GFM1: variants seen among roughly 807,000 people sequenced by gnomAD.
The protein encoded by GFM1 is G elongation factor mitochondrial 1, also known as elongation factor G, mitochondrial.
In GFM1, 62 loss-of-function variants were observed where a neutral mutation model predicts 96.2. The ratio of observed to expected loss-of-function variants is 0.64; its 90% CI spans 0.53 to 0.80. The LOEUF (loss-of-function observed/expected upper bound fraction) is 0.80. Among genes scored for constraint, GFM1 ranks in the 30% least tolerant of loss-of-function variants. The probability of loss-of-function intolerance (pLI) is 0.00; values close to 1 mark genes in which losing one functional copy is unlikely to be tolerated. For synonymous variants in GFM1, 282 were observed against 312.9 expected (o/e 0.90, Z 1.04); for missense variants, 852 against 916.6 (o/e 0.93, Z 0.91).
rs942200713 is a variant in GFM1 at position 158,670,806 on chromosome 3, A to C, written c.1601+4420A>C. ...AAATTAGCCAGGTGTAGTGGCATGC[A>C]CCTGTGGTCCCAGCTATTTGGGGAG... On this transcript the variant is annotated intron_variant, in intron 13 of 17. Transcript: ENST00000486715. The C allele has an allele frequency of 4.2e-6, 5 of 1,176,740 alleles. No homozygotes were observed. The African/African-American group carries it at 4.9e-5, about 12-fold the overall frequency. 72.9% of individuals were successfully genotyped at this position (1,176,740 alleles called of 1,614,324 possible).
chr3:158,671,073 T>G (rs1279746114), intron 13 of GFM1: 1 of 1,420,728 alleles, frequency 7.0e-7, no homozygotes, highest in Non-Finnish European at 9.2e-7. Context: ...AACATTATAC[T>G]TGCATTGTTA....
intron 15 of GFM1, among the ~76,000 whole-genome samples, chr3:158,686,654 T>G (rs1035646279): frequency 7.5e-4 from 40 of 53,474 alleles, no homozygotes; most frequent in African/African-American, 5.9e-3. Context: ...AGTATATATA[T>G]TATTAAGTAT....
chr3:158,660,749 T>G, intron 9 of GFM1, 125 bp from the exon 10 acceptor site: 1 of 784,724 alleles, frequency 1.3e-6, no homozygotes, highest in Non-Finnish European at 2.2e-6. Context: ...ACTATAGAAT[T>G]CAAGCAGAGA....
At position 158,690,282 on chromosome 3, in the gene GFM1, G is replaced by A; in HGVS notation, c.2029G>A (p.Gly677Arg). 1 of 1,613,920 alleles carries A rather than the reference G, an allele frequency of 6.2e-7. No individual in the cohort carries two copies. The highest frequency in any genetic ancestry group is 8.5e-7 in the Non-Finnish European group (1 of 1,179,838). The change falls in exon 16 of 18, where the codon GGG becomes AGG. Residue 677 changes from glycine to arginine, a missense_variant. By Grantham distance (125) the Gly-to-Arg change is moderately radical (BLOSUM62 -2). Transcript: ENST00000486715. Reference protein sequence around the residue: ...GINRRHGVITGQDGVEDYFTL... With the variant: ...GINRRHGVITRQDGVEDYFTL... ...TAACCGACGCCATGGGGTAATCACTGGGCAAGATGGAGTTGAGGACTATTT... is the reference window on the plus strand; with the variant it reads ...TAACCGACGCCATGGGGTAATCACTAGGCAAGATGGAGTTGAGGACTATTT...
intron 13 of GFM1, among the ~76,000 whole-genome samples, chr3:158,674,493 C>T (rs1724698842): frequency 6.6e-6 from 1 of 152,010 alleles, no homozygotes; most frequent in Admixed American, 6.6e-5. Context: ...GATAAATTTA[C>T]CAAAGAATTG....
At chr3:158,651,010 G>A (rs1416875987) in intron 5 of GFM1, 1 of 102,284 alleles carries the variant, frequency 9.8e-6, no homozygotes, top group Admixed American at 1.5e-4. Context: ...GACAGAGCGA[G>A]ACTCCGTCTC....
At chr3:158,646,331 T>C in intron 3 of GFM1, 34 bp downstream of exon 3, 3 of 1,612,136 alleles carry the variant, frequency 1.9e-6, no homozygotes, top group Non-Finnish European at 2.5e-6. Flanking sequence ...TGCAGCTTCT[T>C]TGGCAAAAGC....
rs1721718799 is a variant in GFM1 at position 158,645,688 on chromosome 3, A to C, written c.141A>C (p.Arg47=). 3 of 1,611,762 alleles carry C rather than the reference A, an allele frequency of 1.9e-6. No individual in the cohort carries two copies. The highest frequency in any genetic ancestry group is 1.7e-5 in the Admixed American group (1 of 60,022). Reference sequence around the variant, plus strand: ...GGGTGATTCCTAATGAAAAAATACGAAATATTGGAATCTCAGCTCACATTG... The same window carrying C: ...GGGTGATTCCTAATGAAAAAATACGCAATATTGGAATCTCAGCTCACATTG... The part of the protein sequence containing the change: ...SSGVIPNEKI[R]NIGISAHIDS... Residue 47 remains arginine (R), a synonymous_variant, in exon 2 of 18, where the codon CGA becomes CGC. Coordinates refer to ENST00000486715, the MANE Select transcript of GFM1 (RefSeq NM_024996.7).
At position 158,675,331 on chromosome 3, in the gene GFM1, G is replaced by A. The variant is rs187971883; in HGVS notation, c.1602-6664G>A. 9.5e-4 allele frequency among the ~76,000 whole-genome samples: 140 copies of A among 147,300 alleles called. 1 individual carries two copies. Among genetic ancestry groups the A allele is most frequent in the African/African-American group, 3.4e-3 (135 of 40,212 alleles). ...AAAAACAAGTTTTCAAGATAAAAGAGGAGCTCTTAAACATGATTTAATGAT... is the reference window on the plus strand; with the variant it reads ...AAAAACAAGTTTTCAAGATAAAAGAAGAGCTCTTAAACATGATTTAATGAT... On this transcript the variant is annotated intron_variant, in intron 13 of 17. Coordinates refer to ENST00000486715, the MANE Select transcript of GFM1 (RefSeq NM_024996.7).
intron 7 of GFM1, among the ~76,000 whole-genome samples, chr3:158,653,875 A>G (rs1349914547): frequency 6.6e-6 from 1 of 152,130 alleles, no homozygotes; most frequent in African/African-American, 2.4e-5. Context: ...GTTTGAGACC[A>G]GCCTGACCAA....
At chr3:158,645,934 G>A (rs1411499999) in intron 2 of GFM1, 153 bp downstream of exon 2, 3 of 860,448 alleles carry the variant, frequency 3.5e-6, no homozygotes, top group Admixed American at 4.2e-5. Flanking sequence ...CTTAAGTTAA[G>A]TATCTGTGTT....
Position 158,660,615 on chromosome 3 carries a change from G to C in GFM1, c.1222-259G>C, listed in dbSNP as rs16829261. ...GAGGCACTGTGTTGTTAGTACTGCA[G>C]CTCCTTCAAGTAATGAGTTTTCTGT... On this transcript the variant is annotated intron_variant, in intron 9 of 17. Transcript: ENST00000486715. The C allele has an allele frequency of 4.6e-3, 2,139 of 466,920 alleles. 54 individuals carry two copies. The highest frequency in any genetic ancestry group is 0.04 in the African/African-American group (2,004 of 50,604). 28.9% of individuals were successfully genotyped at this position (466,920 alleles called of 1,614,324 possible). A position where few individuals can be genotyped will look rare whatever the true frequency, so the allele number is the denominator to read the frequency against.
rs1006256048 is a variant in GFM1, at chr3:158,650,045, G to A, written c.689+888G>A. ...TTTCCTTCCTCTGCTATGGAATTGG[G>A]ATCGCAGGTCTGGCAGGTGGGCGAA... On this transcript the variant is annotated intron_variant, in intron 5 of 17. Transcript: ENST00000486715. The A allele has an allele frequency of 2.0e-6, 3 of 1,536,016 alleles. No individual in the cohort carries two copies. In the African/African-American group the frequency reaches 4.1e-5, roughly 21 times the overall value.
intron 14 of GFM1, 133 bp downstream of exon 14, chr3:158,682,290 T>A (rs965479954): frequency 2.4e-5 from 18 of 741,700 alleles, no homozygotes; most frequent in Non-Finnish European, 4.0e-5. Context: ...CTCTGATTGT[T>A]AAGCTTTCCA....
At chr3:158,657,584 T>C (rs763199593) in intron 8 of GFM1, 11 of 152,206 alleles carry the variant, frequency 7.2e-5, no homozygotes, top group Non-Finnish European at 1.0e-4. Context: ...TCATTAATTT[T>C]TAACCTTAGC....
At chr3:158,649,680 A>G (rs1328625862) in intron 5 of GFM1, 7 of 282,840 alleles carry the variant, frequency 2.5e-5, no homozygotes. Context: ...TAACTTTTTG[A>G]TGTGGTATTT....
At chr3:158,672,292 G>T in intron 13 of GFM1, 1 of 1,599,712 alleles carries the variant, frequency 6.3e-7, no homozygotes, top group South Asian at 1.1e-5. Context: ...GACCGCGGGT[G>T]AGTGGAGGGA....
At chr3:158,688,147 T>A (rs1442846548) in intron 15 of GFM1, among the ~76,000 whole-genome samples, 2 of 152,350 alleles carry the variant, frequency 1.3e-5, no homozygotes, top group South Asian at 2.1e-4. Flanking sequence ...AGAATTCATT[T>A]GAGCCTAATT....
At chr3:158,649,990 G>T in intron 5 of GFM1, 7 of 1,534,310 alleles carry the variant, frequency 4.6e-6, no homozygotes, top group East Asian at 2.4e-5. Context: ...CTGTAGCCTG[G>T]TCGTTTCTCC....
Sources: allele counts gnomAD v4.1 joint callset (sites outside exome capture counted in the v4.1 genomes callset), GRCh38; gene constraint gnomAD v4.1.1; transcripts MANE v1.5; gene names NCBI Gene and HGNC (gene_info 2026-07-23, HGNC 2026-07-21).